Variants in DET1 observed in about 807,000 individuals in gnomAD.
DET1 encodes DET1 partner of COP1 E3 ubiquitin ligase, also known as DET1 homolog.
DET1 carries 22 observed loss-of-function variants against 43.7 expected under a neutral mutation model. The observed-to-expected ratio is 0.50, with a 90% CI of 0.36 to 0.72. The LOEUF (loss-of-function observed/expected upper bound fraction) is 0.72. Among genes scored for constraint, DET1 ranks in the 30% least tolerant of loss-of-function variants. DET1 has a pLI of 0.00. For synonymous variants in DET1, 315 were observed against 266.2 expected (o/e 1.18, Z -1.79); for missense variants, 713 against 713.3 (o/e 1.00, Z 0.00).
chr15:88,535,346 T>G (rs1189723940), intron 1 of DET1, among the ~76,000 whole-genome samples: 1 of 123,630 alleles, frequency 8.1e-6, no homozygotes, highest in Non-Finnish European at 1.8e-5. Flanking sequence ...AGGGAAAAAA[T>G]AAAAAGACTG....
At chr15:88,532,837 C>G (rs1229383209) in intron 1 of DET1, among the ~76,000 whole-genome samples, 3 of 152,130 alleles carry the variant, frequency 2.0e-5, no homozygotes, top group African/African-American at 7.2e-5. Flanking sequence ...TATAAAACTA[C>G]TAGAAGAAAA....
chr15:88,531,319 G>A lies in DET1; in HGVS notation c.387C>T (p.His129=). ...CACCATTGGCCGCAACATTGGTAAT[G>A]TGCAGCAGGACAAAAAAGCGTTCAA... is the stretch of plus-strand genomic sequence containing the variant. ...RLFERFFVLL[H]ITNVAANGEH... The change falls in exon 2 of 5, where the codon CAC becomes CAT. Residue 129 remains histidine, a synonymous_variant. Transcript: ENST00000268148. The surrounding 1 kb of genome is among the most constrained non-coding windows in gnomAD (Gnocchi z 6.2). The A allele has an allele frequency of 6.2e-7, 1 of 1,614,000 alleles. No individual in the cohort carries two copies. Among genetic ancestry groups the A allele is most frequent in the Non-Finnish European group, 8.5e-7 (1 of 1,179,888 alleles).
At chr15:88,514,857 C>G (rs2142258573) in intron 4 of DET1, among the ~76,000 whole-genome samples, 1 of 152,056 alleles carries the variant, frequency 6.6e-6, no homozygotes, top group African/African-American at 2.4e-5. Flanking sequence ...TAAGAGAAAC[C>G]CCTTTATTCA....
rs55764530 is a variant in DET1 at position 88,522,512 on chromosome 15, G to GTT, written c.1271+5085_1271+5086dup. Among the ~76,000 whole-genome samples the GTT allele has an allele frequency of 4.2e-4, 34 of 80,292 alleles. 6 individuals are homozygous for GTT. Among genetic ancestry groups the GTT allele is most frequent in the East Asian group, 1.2e-3 (3 of 2,490 alleles). 52.7% of individuals were successfully genotyped at this position (80,292 alleles called of 152,430 possible). On this transcript the variant is annotated intron_variant, in intron 3 of 4. Transcript: ENST00000268148. ...TCTCATTGTTCTAGGAATGTTCCTG[G>GTT]TTTTTTTTTTTTTTTGAGTTGGAGT...
chr15:88,533,496 G>A (rs142150250), intron 1 of DET1, among the ~76,000 whole-genome samples: 2 of 152,242 alleles, frequency 1.3e-5, no homozygotes, highest in East Asian at 3.9e-4. Context: ...GTTCATATCA[G>A]CGCTATTCAT....
downstream of DET1, among the ~76,000 whole-genome samples, chr15:88,511,041 G>A (rs2056194893): frequency 6.6e-6 from 1 of 152,078 alleles, no homozygotes; most frequent in South Asian, 2.1e-4. Context: ...CAAAGTGCTG[G>A]GATTACAGGC....
intron 3 of DET1, among the ~76,000 whole-genome samples, chr15:88,521,655 TA>T (rs1567061470): frequency 6.6e-6 from 1 of 152,224 alleles, no homozygotes; most frequent in East Asian, 1.9e-4. Flanking sequence ...TCCACCCTAT[TA>T]TTTGGATATA....
intron 1 of DET1, among the ~76,000 whole-genome samples, chr15:88,533,498 G>A (rs11637948): frequency 0.15 from 23,442 of 152,046 alleles, 1,909 homozygotes; most frequent in South Asian, 0.28. Context: ...TCATATCAGC[G>A]CTATTCATAG....
downstream of DET1, among the ~76,000 whole-genome samples, chr15:88,507,908 G>A (rs2056158904): frequency 6.6e-6 from 1 of 152,218 alleles, no homozygotes; most frequent in Admixed American, 6.5e-5. Context: ...GAGGTGAGTG[G>A]TGGGCAAGTG....
intron 1 of DET1, among the ~76,000 whole-genome samples, chr15:88,532,618 ATGGCCCACAGATAAACTC>A (rs1456110261): frequency 6.6e-6 from 1 of 152,242 alleles, no homozygotes; most frequent in Non-Finnish European, 1.5e-5. Context: ...GACCAATGAA[ATGGCCCACAGATAAACTC>A]TGGCATATAT....
At chr15:88,511,741 C>T (rs1467608272), downstream of DET1, among the ~76,000 whole-genome samples, 1 of 152,202 alleles carries the variant, frequency 6.6e-6, no homozygotes, top group Admixed American at 6.5e-5. Context: ...TTTAGCTACT[C>T]CATTTTGATC....
chr15:88,529,064 T>C (rs889911121), intron 2 of DET1, among the ~76,000 whole-genome samples: 1 of 152,194 alleles, frequency 6.6e-6, no homozygotes, highest in African/African-American at 2.4e-5. Context: ...AAGCAAAGCA[T>C]AGAACCCAGT....
chr15:88,534,002 T>C (rs2056885513), intron 1 of DET1, among the ~76,000 whole-genome samples: 1 of 152,032 alleles, frequency 6.6e-6, no homozygotes, highest in Non-Finnish European at 1.5e-5. Context: ...GGTTAGACTT[T>C]TCAGATTTTC....
At chr15:88,523,624 A>G (rs7402826) in intron 3 of DET1, among the ~76,000 whole-genome samples, 106,594 of 151,786 alleles carry the variant, frequency 0.7, 37,807 homozygotes, top group South Asian at 0.82. Context: ...ATTTTTTGGC[A>G]GAGACGGGGT....
At chr15:88,507,995 T>G (rs150934753), downstream of DET1, among the ~76,000 whole-genome samples, 369 of 152,270 alleles carry the variant, frequency 2.4e-3, 2 homozygotes, top group African/African-American at 8.5e-3. Flanking sequence ...GCGGCGGCAT[T>G]AGATTCTCAT....
intron 1 of DET1, among the ~76,000 whole-genome samples, chr15:88,543,117 C>T (rs1411740847): frequency 1.3e-5 from 2 of 152,178 alleles, no homozygotes; most frequent in Admixed American, 6.5e-5. Context: ...CTGCTTTAGG[C>T]CTCCCAGATA....
At chr15:88,527,529 A>G in intron 3 of DET1, 70 bp downstream of exon 3, 2 of 1,409,042 alleles carry the variant, frequency 1.4e-6, no homozygotes, top group Non-Finnish European at 1.9e-6. Flanking sequence ...GGTTTCCTAG[A>G]GACAACAGCT....
chr15:88,537,307 G>C (rs1313336901), intron 1 of DET1, among the ~76,000 whole-genome samples: 1 of 152,180 alleles, frequency 6.6e-6, no homozygotes, highest in Non-Finnish European at 1.5e-5. Context: ...ATCTAGACTA[G>C]AGCAAGAGTC....
intron 3 of DET1, among the ~76,000 whole-genome samples, chr15:88,524,127 C>G (rs878880079): frequency 2.6e-5 from 4 of 151,090 alleles, no homozygotes; most frequent in African/African-American, 7.3e-5. Flanking sequence ...TCTGCCCGGC[C>G]GCCCCGTCGG....
Sources: gnomAD v4.1 joint callset for allele counts (sites outside exome capture counted in the v4.1 genomes callset) on GRCh38, gnomAD v4.1.1 for gene constraint, Gnocchi (gnomAD v3.1) non-coding constraint, MANE v1.5 for transcripts, NCBI Gene and HGNC (gene_info 2026-07-23, HGNC 2026-07-21) for gene names.